ITSN2: variants seen among roughly 807,000 people sequenced by gnomAD.
The protein encoded by ITSN2 is intersectin-2.
Under a neutral mutation model 243.7 loss-of-function variants are expected in ITSN2, and 156 were observed. The ratio of observed to expected loss-of-function variants is 0.64; its 90% CI spans 0.56 to 0.73. ITSN2 has a LOEUF of 0.73. Among genes scored for constraint, ITSN2 ranks in the 30% least tolerant of loss-of-function variants. The probability of loss-of-function intolerance (pLI) is 0.00; values close to 1 mark genes in which losing one functional copy is unlikely to be tolerated. For missense variants in ITSN2, 1,801 were observed against 1,996.1 expected, an observed-to-expected ratio of 0.90 and a Z score of 1.86; for synonymous variants, 703 against 699.9, an observed-to-expected ratio of 1.00 and a Z score of -0.07.
intron 20 of ITSN2, among the ~76,000 whole-genome samples, chr2:24,267,803 T>G (rs1293672679): frequency 6.6e-6 from 1 of 152,190 alleles, no homozygotes. Context: ...GTGATACTCC[T>G]GCCTCGGCCT....
At position 24,210,773 on chromosome 2, in the gene ITSN2, G is replaced by C; in HGVS notation, c.4257+7C>G. ...GGAGGCGCACGGCTTAACCACACAG[G>C]CCTGACCTCCGCGAGGCCTTCACAC... On this transcript the variant is annotated splice_region_variant and intron_variant, in intron 34 of 39. Coordinates refer to ENST00000355123, the MANE Select transcript of ITSN2 (RefSeq NM_006277.3). The C allele has an allele frequency of 1.2e-6, 2 of 1,612,912 alleles. No homozygotes were observed. The highest frequency in any genetic ancestry group is 1.7e-6 in the Non-Finnish European group (2 of 1,179,504).
intron 29 of ITSN2, among the ~76,000 whole-genome samples, chr2:24,242,764 A>ATAAG (rs1672878747): frequency 6.6e-6 from 1 of 152,200 alleles, no homozygotes; most frequent in South Asian, 2.1e-4. Context: ...TTATCCTTAG[A>ATAAG]ATTACAGAAT....
Position 24,251,011 on chromosome 2 carries a change from GA to G in ITSN2, c.3120+1333del, listed in dbSNP as rs2151312256. Among the ~76,000 whole-genome samples the G allele has an allele frequency of 2.0e-5, 3 of 151,386 alleles. No homozygotes were observed. The South Asian group carries it at 6.3e-4, about 32-fold the overall frequency. On this transcript the variant is annotated intron_variant, in intron 25 of 39. Coordinates refer to ENST00000355123, the MANE Select transcript of ITSN2 (RefSeq NM_006277.3). ...TCAAGACCAGCCTGGCCAATATGGT[GA>G]AACCCCGTCTCTACTGAAAATACAA... is the stretch of plus-strand genomic sequence containing the variant.
chr2:24,257,680 C>T (rs763662419), intron 23 of ITSN2, among the ~76,000 whole-genome samples: 2 of 152,054 alleles, frequency 1.3e-5, no homozygotes, highest in African/African-American at 2.4e-5. Flanking sequence ...TGGTCTCAAA[C>T]CCCTGGGCTC....
At chr2:24,310,755 A>G in intron 5 of ITSN2, 63 bp from the exon 6 acceptor site, 5 of 1,407,588 alleles carry the variant, frequency 3.6e-6, no homozygotes, top group Non-Finnish European at 4.9e-6. Flanking sequence ...ACATGCAAAA[A>G]ACAAGTTTAC....
chr2:24,270,494 G>A (rs1276686677), intron 20 of ITSN2, among the ~76,000 whole-genome samples, 177 bp downstream of exon 20: 2 of 152,220 alleles, frequency 1.3e-5, no homozygotes, highest in African/African-American at 4.8e-5. Context: ...AACTTAGTTA[G>A]TAATAATAAC....
intron 29 of ITSN2, among the ~76,000 whole-genome samples, chr2:24,234,695 T>A (rs970287130): frequency 2.6e-5 from 4 of 152,214 alleles, no homozygotes; most frequent in African/African-American, 4.8e-5. Flanking sequence ...CCTTAACAGA[T>A]GCCTCATGGA....
At chr2:24,285,510 A>C (rs1259495178) in intron 16 of ITSN2, among the ~76,000 whole-genome samples, 1 of 152,268 alleles carries the variant, frequency 6.6e-6, no homozygotes, top group African/African-American at 2.4e-5. Flanking sequence ...TACAGAGAAT[A>C]GCTTATGCTC....
At chr2:24,227,202 G>T (rs1671114965) in intron 29 of ITSN2, among the ~76,000 whole-genome samples, 1 of 151,626 alleles carries the variant, frequency 6.6e-6, no homozygotes, top group Admixed American at 6.6e-5. Context: ...AAGGAATGGT[G>T]CAACTGGCCT....
At position 24,258,062 on chromosome 2, in the gene ITSN2, G is replaced by C. The variant is rs775689966; in HGVS notation, c.2714C>G (p.Ala905Gly). 6.2e-7 allele frequency: 1 copy of C among 1,614,020 alleles called. No individual in the cohort carries two copies. The highest frequency in any genetic ancestry group is 1.7e-5 in the Admixed American group (1 of 60,014). Residue 905 changes from alanine (A) to glycine (G), a missense_variant, in exon 23 of 40, where the codon GCC becomes GGC. By Grantham distance (60) the Ala-to-Gly change is moderately conservative. This residue lies in a region of ITSN2 where 928 missense variants were observed against 1,065.4 expected (regional missense o/e 0.87). Coordinates refer to ENST00000355123, the MANE Select transcript of ITSN2 (RefSeq NM_006277.3). ...GQVVENLKAQALCSWTAKKDN... is the reference protein window; with the variant it reads ...GQVVENLKAQGLCSWTAKKDN... ...TTTCTTTGCAGTCCAGGAACAAAGG[G>C]CCTGTGCTTTTAAGTTTTCTACCAC... is the stretch of plus-strand genomic sequence containing the variant.
chr2:24,221,969 G>C (rs1014212602), intron 29 of ITSN2, among the ~76,000 whole-genome samples: 5 of 152,314 alleles, frequency 3.3e-5, no homozygotes, highest in Non-Finnish European at 7.4e-5. Context: ...AAAAGCAGCC[G>C]GGCATGGTGG....
At chr2:24,309,469 G>C (rs773201457) in intron 7 of ITSN2, among the ~76,000 whole-genome samples, 106 of 152,098 alleles carry the variant, frequency 7.0e-4, no homozygotes, top group Non-Finnish European at 1.3e-3. Flanking sequence ...CAAAGTGCTG[G>C]GATTACAGGC....
chr2:24,228,827 A>G (rs1671294148), intron 29 of ITSN2, among the ~76,000 whole-genome samples: 1 of 152,254 alleles, frequency 6.6e-6, no homozygotes. Context: ...TGTTTTAATC[A>G]ATGTAAATGG....
At chr2:24,349,630 C>G (rs1687854872) in intron 1 of ITSN2, among the ~76,000 whole-genome samples, 1 of 152,052 alleles carries the variant, frequency 6.6e-6, no homozygotes, top group African/African-American at 2.4e-5. Context: ...CCACTCATTC[C>G]CAAACTATTT....
intron 1 of ITSN2, among the ~76,000 whole-genome samples, chr2:24,346,031 C>T (rs1558662661): frequency 6.6e-6 from 1 of 152,160 alleles, no homozygotes; most frequent in Non-Finnish European, 1.5e-5. Context: ...ATTGTTTGCG[C>T]TACCCTTCTA....
chr2:24,255,270 A>G (rs984456305), intron 23 of ITSN2, among the ~76,000 whole-genome samples: 1 of 152,244 alleles, frequency 6.6e-6, no homozygotes, highest in Non-Finnish European at 1.5e-5. Context: ...TAAAGGGCCT[A>G]GCACAGTGCA....
At chr2:24,329,961 T>C (rs1685587903) in intron 1 of ITSN2, among the ~76,000 whole-genome samples, 1 of 152,194 alleles carries the variant, frequency 6.6e-6, no homozygotes, top group South Asian at 2.1e-4. Flanking sequence ...TCATAAGTAA[T>C]GTTAACCCAA....
intron 15 of ITSN2, among the ~76,000 whole-genome samples, chr2:24,291,529 C>T (rs568740362): frequency 2.7e-5 from 4 of 148,806 alleles, no homozygotes; most frequent in African/African-American, 9.9e-5. Flanking sequence ...CTCGCTCTGT[C>T]ACCAGGCTGG....
chr2:24,347,067 A>G (rs1262569522), intron 1 of ITSN2, among the ~76,000 whole-genome samples: 2 of 151,820 alleles, frequency 1.3e-5, no homozygotes, highest in South Asian at 2.1e-4. Context: ...GTTTCACCAT[A>G]TTGGCCAGGC....
Sources: allele counts gnomAD v4.1 joint callset (sites outside exome capture counted in the v4.1 genomes callset), GRCh38; gene constraint gnomAD v4.1.1; regional missense constraint gnomAD v4.1.1; transcripts MANE v1.5; gene names NCBI Gene and HGNC (gene_info 2026-07-23, HGNC 2026-07-21).